BRWD3: variants seen among roughly 807,000 people sequenced by gnomAD.
BRWD3 encodes bromodomain and WD repeat domain containing 3.
In BRWD3, 10 loss-of-function variants were observed where a neutral mutation model predicts 149.7. The ratio of observed to expected loss-of-function variants is 0.07; its 90% CI spans 0.04 to 0.11. The LOEUF (loss-of-function observed/expected upper bound fraction) is 0.11. BRWD3 is among the 10% of genes least tolerant of loss of function. BRWD3 has a pLI of 1.00. For synonymous variants in BRWD3, 504 were observed against 456.7 expected (o/e 1.10, Z -1.32); for missense variants, 940 against 1,373.2 (o/e 0.68, Z 4.99).
chrX:80,682,621 C>T lies in BRWD3; in HGVS notation c.4241G>A (p.Ser1414Asn). 2 of 1,207,199 alleles carry T rather than the reference C, an allele frequency of 1.7e-6. No individual in the cohort carries two copies. The highest frequency in any genetic ancestry group is 4.6e-4 in the Middle Eastern group (2 of 4,332). The change falls in exon 38 of 41, where the codon AGC becomes AAC. Residue 1414 changes from serine to asparagine, a missense_variant. Physicochemically the swap from Ser to Asn is conservative, Grantham distance 46 (BLOSUM62 1). Around this residue, in one of 6 missense-constraint regions of BRWD3, gnomAD observed 349 missense variants for 419.6 expected, o/e 0.83. Transcript: ENST00000373275. ...YTSNKKSRIY[S>N]MMLRLSALFE... The stretch of plus-strand genomic sequence containing the variant: ...TAAGGCAGATAATCGCAGCATCATG[C>T]TATAGATCTGAGAAGGCAGAAATTA...
At chrX:80,761,612 G>A (rs1330467248) in intron 6 of BRWD3, among the ~76,000 whole-genome samples, 1 of 111,512 alleles carries the variant, frequency 9.0e-6, no homozygotes, top group Non-Finnish European at 1.9e-5. Context: ...AGGTACTGAG[G>A]AAAGACAAAA....
At position 80,677,312 on chromosome X, in the gene BRWD3, G is replaced by T; in HGVS notation, c.4706C>A (p.Thr1569Lys). The T allele has an allele frequency of 8.3e-7, 1 of 1,207,545 alleles. No individual in the cohort carries two copies. Among genetic ancestry groups the T allele is most frequent in the South Asian group, 1.8e-5 (1 of 56,223 alleles). ...LTNGDGREPR[T>K]GIKRKLLSAS... ...ACTAAGTAGTTTTCTCTTGATTCCT[G>T]TCCGGGGCTCTCTGCCATCACCATT... The change falls in exon 41 of 41, where the codon ACA (threonine) becomes AAA (lysine). Residue 1569 changes from threonine to lysine, a missense_variant. Around this residue, in one of 6 missense-constraint regions of BRWD3, gnomAD observed 349 missense variants for 419.6 expected, o/e 0.83. Coordinates refer to ENST00000373275, the MANE Select transcript of BRWD3 (RefSeq NM_153252.5).
intron 6 of BRWD3, among the ~76,000 whole-genome samples, chrX:80,765,576 G>A (rs1355940217): frequency 9.0e-6 from 1 of 111,515 alleles, no homozygotes; most frequent in Non-Finnish European, 1.9e-5. Flanking sequence ...ACTGAGTACT[G>A]TAAGTGTTAT....
At chrX:80,686,833 T>C (rs1233705377) in intron 35 of BRWD3, 30 bp downstream of exon 35, 2 of 1,201,292 alleles carry the variant, frequency 1.7e-6, no homozygotes, top group Non-Finnish European at 2.3e-6. Context: ...ATTATCATAC[T>C]GACAATTATT....
chrX:80,718,266 A>G (rs958006056), intron 18 of BRWD3, among the ~76,000 whole-genome samples: 1 of 112,322 alleles, frequency 8.9e-6, no homozygotes, highest in African/African-American at 3.2e-5. Flanking sequence ...ACAAAGTAAC[A>G]GAAGTTTTAC....
chrX:80,714,357 G>A (rs965785181), intron 20 of BRWD3, among the ~76,000 whole-genome samples: 4 of 106,443 alleles, frequency 3.8e-5, no homozygotes, highest in Non-Finnish European at 7.7e-5. Context: ...TCAGCCTCCC[G>A]AGTAGCTGGG....
At chrX:80,759,471 C>T in intron 6 of BRWD3, among the ~76,000 whole-genome samples, 1 of 111,902 alleles carries the variant, frequency 8.9e-6, no homozygotes, top group Non-Finnish European at 1.9e-5. Context: ...TACTAATCTA[C>T]CTTGCATTTT....
At chrX:80,738,891 G>A (rs747667449) in intron 8 of BRWD3, among the ~76,000 whole-genome samples, 4 of 111,694 alleles carry the variant, frequency 3.6e-5, no homozygotes, top group African/African-American at 1.3e-4. Flanking sequence ...ATTGAAGAGC[G>A]CCAAGGAGGC....
chrX:80,738,493 T>C (rs772243975), intron 8 of BRWD3, among the ~76,000 whole-genome samples: 1 of 111,369 alleles, frequency 9.0e-6, no homozygotes, highest in African/African-American at 3.3e-5. Flanking sequence ...GAATAATATA[T>C]CACTGATGTT....
intron 8 of BRWD3, among the ~76,000 whole-genome samples, chrX:80,741,324 G>C (rs1265407168): frequency 3.6e-5 from 4 of 111,890 alleles, no homozygotes; most frequent in Non-Finnish European, 7.5e-5. Flanking sequence ...GGACATTTGG[G>C]TTGGTTCCAA....
intron 8 of BRWD3, among the ~76,000 whole-genome samples, chrX:80,739,636 C>A (rs562206774): frequency 1.8e-5 from 2 of 111,292 alleles, no homozygotes; most frequent in Non-Finnish European, 3.8e-5. Flanking sequence ...ATTTAGTAGA[C>A]CCTCCTTATC....
intron 6 of BRWD3, among the ~76,000 whole-genome samples, chrX:80,764,504 G>A (rs184713461): frequency 0.049 from 5,303 of 107,865 alleles, 118 homozygotes; most frequent in Non-Finnish European, 0.069. Flanking sequence ...TAGTATAGAC[G>A]GTGTTTCACC....
At chrX:80,764,074 C>A (rs778125822) in intron 6 of BRWD3, among the ~76,000 whole-genome samples, 1 of 111,997 alleles carries the variant, frequency 8.9e-6, no homozygotes, top group South Asian at 3.7e-4. Context: ...ATTTTCTTAA[C>A]TGATTTTTAA....
chrX:80,707,540 T>C, intron 21 of BRWD3, 37 bp from the exon 22 acceptor site: 1 of 1,138,524 alleles, frequency 8.8e-7, no homozygotes. Context: ...TATATGGATA[T>C]TACCAGCTAA....
At chrX:80,768,346 C>T (rs986831374) in intron 6 of BRWD3, among the ~76,000 whole-genome samples, 1 of 111,332 alleles carries the variant, frequency 9.0e-6, no homozygotes, top group Admixed American at 9.6e-5. Flanking sequence ...TCGAGTTACC[C>T]ACAAAGAGAA....
At chrX:80,787,486 T>A (rs1602435828) in intron 6 of BRWD3, among the ~76,000 whole-genome samples, 1 of 109,781 alleles carries the variant, frequency 9.1e-6, no homozygotes, top group East Asian at 2.9e-4. Context: ...CATGGTTAAA[T>A]GCTTTTTGAC....
At chrX:80,750,905 TAA>T (rs2073658232) in intron 6 of BRWD3, among the ~76,000 whole-genome samples, 1 of 106,556 alleles carries the variant, frequency 9.4e-6, no homozygotes, top group Non-Finnish European at 1.9e-5. Context: ...CAAAAATCAT[TAA>T]GTCTTATAAA....
intron 22 of BRWD3, 110 bp from the exon 23 acceptor site, chrX:80,704,956 A>AT (rs1405059102): frequency 1.2e-6 from 1 of 814,169 alleles, no homozygotes; most frequent in South Asian, 2.4e-5. Flanking sequence ...ACATGGCTGG[A>AT]TTTTTTTCTA....
At chrX:80,763,378 AACTATGTTTCAGTG>A (rs1488564866) in intron 6 of BRWD3, among the ~76,000 whole-genome samples, 1 of 111,757 alleles carries the variant, frequency 8.9e-6, no homozygotes, top group Non-Finnish European at 1.9e-5. Context: ...CCCAATAGCT[AACTATGTTTCAGTG>A]ACTACAACAG....
Sources: allele counts gnomAD v4.1 joint callset (sites outside exome capture counted in the v4.1 genomes callset), GRCh38; gene constraint gnomAD v4.1.1; regional missense constraint gnomAD v4.1.1; transcripts MANE v1.5; gene names NCBI Gene and HGNC (gene_info 2026-07-23, HGNC 2026-07-21).